Variants in MAP2K4 observed in about 807,000 individuals in gnomAD.
MAP2K4 encodes the protein mitogen-activated protein kinase kinase 4.
In MAP2K4, 4 loss-of-function variants were observed where a neutral mutation model predicts 48.5. The ratio of observed to expected loss-of-function variants is 0.08; its 90% CI spans 0.04 to 0.19. MAP2K4 has a LOEUF of 0.19. Ranked by LOEUF, MAP2K4 falls within the 10% of genes least tolerant of loss-of-function variation. The pLI, the probability that MAP2K4 is intolerant of heterozygous loss-of-function variation, is 1.00. For synonymous variants in MAP2K4, 166 were observed against 173.1 expected (o/e 0.96, Z 0.32); for missense variants, 258 against 493.3 (o/e 0.52, Z 4.52).
At position 12,088,592 on chromosome 17, in the gene MAP2K4, A is replaced by AAATATATATAATATATAATATATATTG. The variant is rs1971461746; in HGVS notation, c.394-6976_394-6975insATAATATATAATATATATTGAATATAT. On this transcript the variant is annotated intron_variant, in intron 3 of 10. Transcript: ENST00000353533. ...AAATATATAATATATAATATATATT[A>AAATATATATAATATATAATATATATTG]AATATATTATATATAATATGTAAAA... Among the ~76,000 whole-genome samples the AAATATATATAATATATAATATATATTG allele has an allele frequency of 9.4e-5, 13 of 138,616 alleles. No homozygotes were observed. In the South Asian group the frequency reaches 2.9e-3, roughly 31 times the overall value. 90.9% of individuals were successfully genotyped at this position (138,616 alleles called of 152,430 possible).
At chr17:12,096,780 GTTAA>G (rs1971772020) in intron 4 of MAP2K4, among the ~76,000 whole-genome samples, 1 of 152,144 alleles carries the variant, frequency 6.6e-6, no homozygotes, top group Admixed American at 6.6e-5. Context: ...TTAGAGGTTA[GTTAA>G]TTCTAAACCT....
chr17:12,064,672 A>G lies in MAP2K4; in HGVS notation c.218+9681A>G, dbSNP rs573053082. Among the ~76,000 whole-genome samples, 7 of 150,028 alleles carry G rather than the reference A, an allele frequency of 4.7e-5. No homozygotes were observed. In the East Asian group the frequency reaches 5.8e-4, roughly 12 times the overall value. On this transcript the variant is annotated intron_variant, in intron 2 of 10. Coordinates refer to ENST00000353533, the MANE Select transcript of MAP2K4 (RefSeq NM_003010.4). ...AAAACTCTGCTAGGTTTTTAATAAA[A>G]TGAAACAAGCACCTGCCCCTGACCC...
chr17:12,109,765 G>T (rs1386587334), intron 5 of MAP2K4, among the ~76,000 whole-genome samples: 1 of 152,146 alleles, frequency 6.6e-6, no homozygotes, highest in Admixed American at 6.5e-5. Flanking sequence ...AATCGATTTT[G>T]CTGCAAGTTA....
At chr17:12,126,660 C>T (rs1015331601) in intron 8 of MAP2K4, among the ~76,000 whole-genome samples, 3 of 152,230 alleles carry the variant, frequency 2.0e-5, no homozygotes, top group Non-Finnish European at 4.4e-5. Context: ...CACCAAATAC[C>T]ATCACATTAG....
chr17:12,029,339 C>T (rs1969357750), intron 1 of MAP2K4, among the ~76,000 whole-genome samples: 1 of 152,032 alleles, frequency 6.6e-6, no homozygotes, highest in Non-Finnish European at 1.5e-5. Flanking sequence ...AATTTAAATT[C>T]TTAAATAAAT....
At chr17:12,023,612 C>T (rs768586897) in intron 1 of MAP2K4, among the ~76,000 whole-genome samples, 6 of 152,202 alleles carry the variant, frequency 3.9e-5, no homozygotes, top group African/African-American at 1.4e-4. Context: ...TGGACATCCT[C>T]TTATGTGGTA....
Position 12,110,465 on chromosome 17 carries a change from T to G in MAP2K4, c.685+39T>G, listed in dbSNP as rs1354188116. On this transcript the variant is annotated intron_variant, in intron 6 of 10. Coordinates refer to ENST00000353533, the MANE Select transcript of MAP2K4 (RefSeq NM_003010.4). Reference sequence around the variant, plus strand: ...GGTATTTTTTGTAATAGAAATTAACTTTTTTCTCCTAATTGGTGAAACGGT... The same window carrying G: ...GGTATTTTTTGTAATAGAAATTAACGTTTTTCTCCTAATTGGTGAAACGGT... 3 of 1,369,936 alleles carry G rather than the reference T, an allele frequency of 2.2e-6. No individual in the cohort carries two copies. In the African/African-American group the frequency reaches 4.3e-5, roughly 20 times the overall value. 84.9% of individuals were successfully genotyped at this position (1,369,936 alleles called of 1,614,324 possible).
At chr17:12,076,504 C>T (rs558187982) in intron 2 of MAP2K4, among the ~76,000 whole-genome samples, 1 of 152,016 alleles carries the variant, frequency 6.6e-6, no homozygotes, top group Non-Finnish European at 1.5e-5. Context: ...AAACATGTAG[C>T]CTCAAAAAAT....
chr17:12,095,674 T>A lies in MAP2K4; in HGVS notation c.493T>A (p.Tyr165Asn), dbSNP rs1418890158. ...SSDCPYIVQF[Y>N]GALFREGDCW... is the part of the protein sequence containing the mutation. ...TGATTGCCCATACATTGTTCAGTTT[T>A]ATGGTGCACTCTTCAGAGAGGTAGG... is the stretch of plus-strand genomic sequence containing the variant. The change falls in exon 4 of 11, where the codon TAT becomes AAT. Residue 165 changes from tyrosine to asparagine, a missense_variant. Tyr to Asn is a moderately radical substitution (Grantham distance 143). Transcript: ENST00000353533. 6.2e-7 allele frequency: 1 copy of A among 1,613,874 alleles called. No homozygotes were observed. The highest frequency in any genetic ancestry group is 8.5e-7 in the Non-Finnish European group (1 of 1,179,962).
chr17:12,077,037 G>A (rs1215185228), intron 2 of MAP2K4, among the ~76,000 whole-genome samples: 2 of 152,162 alleles, frequency 1.3e-5, no homozygotes, highest in Non-Finnish European at 2.9e-5. Flanking sequence ...ATGCTTTACT[G>A]AATTGTTTTT....
At position 12,129,249 on chromosome 17, in the gene MAP2K4, G is replaced by A. The variant is rs762082683; in HGVS notation, c.1002G>A (p.Arg334=). Residue 334 remains arginine, a synonymous_variant, in exon 9 of 11, where the codon AGG becomes AGA. Transcript: ENST00000353533. The part of the protein sequence containing the change: ...DPPQLSNSEE[R]EFSPSFINFV... ...CGCAGCTGAGTAATTCTGAGGAAAG[G>A]GAATTCTCCCCGAGTTTCATCAACT... 6.2e-7 allele frequency: 1 copy of A among 1,614,214 alleles called. No individual in the cohort carries two copies.
chr17:12,076,301 G>A (rs1971004120), intron 2 of MAP2K4, among the ~76,000 whole-genome samples: 1 of 151,134 alleles, frequency 6.6e-6, no homozygotes, highest in South Asian at 2.1e-4. Context: ...GTGTGTGTGT[G>A]TGTGTGTGTG....
chr17:12,123,654 T>C (rs1210101738), intron 7 of MAP2K4, among the ~76,000 whole-genome samples: 1 of 152,220 alleles, frequency 6.6e-6, no homozygotes, highest in East Asian at 1.9e-4. Context: ...TCTCTTCTAA[T>C]GTATGCATTT....
intron 10 of MAP2K4, 82 bp from the exon 11 acceptor site, chr17:12,141,065 C>G (rs961432293): frequency 3.3e-5 from 27 of 824,082 alleles, no homozygotes; most frequent in Non-Finnish European, 5.7e-5. Flanking sequence ...GCCTGGAGTT[C>G]TATGTTCTAT....
intron 7 of MAP2K4, among the ~76,000 whole-genome samples, chr17:12,117,564 A>G (rs748772719): frequency 2.6e-5 from 4 of 151,714 alleles, no homozygotes; most frequent in Non-Finnish European, 5.9e-5. Context: ...TATACCTCAC[A>G]TGGGGCCAAG....
In MAP2K4 at chr17:12,081,039, A is replaced by G. The variant is rs28923181; in HGVS notation, c.219-317A>G. Among the ~76,000 whole-genome samples the G allele has an allele frequency of 0.015, 2,259 of 152,348 alleles. 25 individuals are homozygous for G. The highest frequency in any genetic ancestry group is 0.022 in the Non-Finnish European group (1,509 of 68,030). On this transcript the variant is annotated intron_variant, in intron 2 of 10. Coordinates refer to ENST00000353533, the MANE Select transcript of MAP2K4 (RefSeq NM_003010.4). The surrounding 1 kb of genome is among the most constrained non-coding windows in gnomAD (Gnocchi z 4.2). Reference sequence around the variant, plus strand: ...TGGATAAACCATCATCCAAGTTTGAATAAGATCTTATATTTAGAAATGAAA... The same window carrying G: ...TGGATAAACCATCATCCAAGTTTGAGTAAGATCTTATATTTAGAAATGAAA...
chr17:12,063,367 A>G (rs975731804), intron 2 of MAP2K4, among the ~76,000 whole-genome samples: 1 of 152,114 alleles, frequency 6.6e-6, no homozygotes, highest in Admixed American at 6.6e-5. Flanking sequence ...TTTATTTTTG[A>G]CTGTGGTGCT....
intron 1 of MAP2K4, among the ~76,000 whole-genome samples, chr17:12,053,706 C>T (rs778965161): frequency 6.6e-6 from 1 of 151,778 alleles, no homozygotes; most frequent in Non-Finnish European, 1.5e-5. Context: ...TTCACATGAT[C>T]TGGTAGAAAG....
At chr17:12,096,063 C>T (rs997499909) in intron 4 of MAP2K4, among the ~76,000 whole-genome samples, 20 of 20,944 alleles carry the variant, frequency 9.5e-4, no homozygotes, top group Admixed American at 1.6e-3. Context: ...CCTTGAGCAA[C>T]GCCTCCCCCC....
Sources: allele counts gnomAD v4.1 joint callset (sites outside exome capture counted in the v4.1 genomes callset), GRCh38; gene constraint gnomAD v4.1.1; non-coding constraint Gnocchi (gnomAD v3.1); transcripts MANE v1.5; gene names NCBI Gene and HGNC (gene_info 2026-07-23, HGNC 2026-07-21).